ARHGAP20: variants seen among roughly 807,000 people sequenced by gnomAD.
ARHGAP20 encodes the protein Rho GTPase activating protein 20, also known as rho GTPase-activating protein 20.
Under a neutral mutation model 73.7 loss-of-function variants are expected in ARHGAP20, and 34 were observed. The ratio of observed to expected loss-of-function variants is 0.46; its 90% CI spans 0.35 to 0.61. The LOEUF is 0.61. Among genes scored for constraint, ARHGAP20 ranks in the 20% least tolerant of loss-of-function variants. The probability of loss-of-function intolerance (pLI) is 0.00; values close to 1 mark genes in which losing one functional copy is unlikely to be tolerated. For missense variants in ARHGAP20, 1,314 were observed against 1,420.9 expected, an observed-to-expected ratio of 0.92 and a Z score of 1.21; for synonymous variants, 523 against 518.2, an observed-to-expected ratio of 1.01 and a Z score of -0.13.
intron 2 of ARHGAP20, among the ~76,000 whole-genome samples, chr11:110,677,963 A>T (rs1175048149): frequency 6.6e-6 from 1 of 152,214 alleles, no homozygotes; most frequent in East Asian, 1.9e-4. Flanking sequence ...CAAAATGTGG[A>T]AACAACCTAA....
rs1950677884 is a variant in ARHGAP20 at position 110,712,128 on chromosome 11, T to C, written c.104A>G (p.Lys35Arg). 2 of 1,350,382 alleles carry C rather than the reference T, an allele frequency of 1.5e-6. No homozygotes were observed. Among genetic ancestry groups the C allele is most frequent in the Non-Finnish European group, 9.6e-7 (1 of 1,046,930 alleles). The allele number at this position is 1,350,382 out of a possible 1,614,324, so 83.6% of individuals were successfully genotyped here. A position where few individuals can be genotyped will look rare whatever the true frequency, so the allele number is the denominator to read the frequency against. Residue 35 changes from lysine to arginine, a missense_variant and splice_region_variant, in exon 1 of 15, where the codon AAG becomes AGG. Physicochemically the swap from Lys to Arg is conservative, Grantham distance 26 (BLOSUM62 2). Coordinates refer to ENST00000683387, the MANE Select transcript of ARHGAP20 (RefSeq NM_001384657.1). Reference protein sequence around the residue: ...SRLAGGSCTKKKMKTLAERRR... With the variant: ...SRLAGGSCTKRKMKTLAERRR... ...CGGGCCCCCGCTCAGCGTCCTCACCTTCTTGGTGCAGCTGCCTCCCGCGAG... is the reference window on the plus strand; with the variant it reads ...CGGGCCCCCGCTCAGCGTCCTCACCCTCTTGGTGCAGCTGCCTCCCGCGAG...
At position 110,658,910 on chromosome 11, in the gene ARHGAP20, T is replaced by G. The variant is rs913634804; in HGVS notation, c.189-28118A>C. On this transcript the variant is annotated intron_variant, in intron 2 of 14. Coordinates refer to ENST00000683387, the MANE Select transcript of ARHGAP20 (RefSeq NM_001384657.1). Reference sequence around the variant, plus strand: ...GTTAACTATATCGCCTGAAACTCATTCCCTGGGCTATCCCCTCCTCACTCT... The same window carrying G: ...GTTAACTATATCGCCTGAAACTCATGCCCTGGGCTATCCCCTCCTCACTCT... Among the ~76,000 whole-genome samples, 11 of 152,344 alleles carry G rather than the reference T, an allele frequency of 7.2e-5. No individual in the cohort carries two copies. The East Asian group carries it at 2.1e-3, about 29-fold the overall frequency.
chr11:110,682,982 T>C (rs1950064754), intron 2 of ARHGAP20, among the ~76,000 whole-genome samples: 1 of 143,374 alleles, frequency 7.0e-6, no homozygotes, highest in South Asian at 2.3e-4. Flanking sequence ...TGTCTGTCCC[T>C]CCTCTCAGCA....
chr11:110,577,273 G>C lies in ARHGAP20; in HGVS notation c.*2097C>G. The C allele has an allele frequency of 7.2e-7, 1 of 1,395,204 alleles. No homozygotes were observed. Among genetic ancestry groups the C allele is most frequent in the East Asian group, 2.6e-5 (1 of 37,902 alleles). The allele number at this position is 1,395,204 out of a possible 1,614,324, so 86.4% of individuals were successfully genotyped here. A position where few individuals can be genotyped will look rare whatever the true frequency, so the allele number is the denominator to read the frequency against. On this transcript the variant is annotated 3_prime_UTR_variant, in exon 15 of 15. Transcript: ENST00000683387. ...CAGTCTAATATATTATAGATTGATG[G>C]AGTATAATAAAATGACATATAGTCT...
At chr11:110,606,427 A>C in intron 9 of ARHGAP20, 134 bp downstream of exon 9, 1 of 979,086 alleles carries the variant, frequency 1.0e-6, no homozygotes, top group Non-Finnish European at 1.5e-6. Flanking sequence ...ATCTTCTTCT[A>C]AAAGTCCATC....
rs1038476870 is a variant in ARHGAP20 at position 110,701,282 on chromosome 11, C to G, written c.106-10653G>C. On this transcript the variant is annotated intron_variant, in intron 1 of 14. Transcript: ENST00000683387. ...GACTTTTTAATGATTGCCATTCTAA[C>G]TGGTGTGAGATGGTATCTCATTGTG... 5.3e-3 allele frequency among the ~76,000 whole-genome samples: 795 copies of G among 150,192 alleles called. 6 individuals are homozygous for G. The highest frequency in any genetic ancestry group is 0.018 in the African/African-American group (752 of 40,738).
chr11:110,589,431 C>T (rs879529668), intron 11 of ARHGAP20: 1 of 985,452 alleles, frequency 1.0e-6, no homozygotes, highest in Non-Finnish European at 1.2e-6. Context: ...CCTGGGCACT[C>T]AGCTGGAGTA....
intron 2 of ARHGAP20, among the ~76,000 whole-genome samples, chr11:110,668,376 G>A (rs919096346): frequency 6.6e-6 from 1 of 152,198 alleles, no homozygotes; most frequent in African/African-American, 2.4e-5. Context: ...TGGACTGGGT[G>A]TGGTGGCTCA....
intron 1 of ARHGAP20, among the ~76,000 whole-genome samples, chr11:110,702,870 C>T (rs1469842829): frequency 6.6e-6 from 1 of 152,046 alleles, no homozygotes; most frequent in Non-Finnish European, 1.5e-5. Context: ...AACCACTGCT[C>T]AACGAAATAA....
At chr11:110,641,484 G>A (rs1434996609) in intron 2 of ARHGAP20, among the ~76,000 whole-genome samples, 2 of 151,924 alleles carry the variant, frequency 1.3e-5, no homozygotes, top group Non-Finnish European at 2.9e-5. Flanking sequence ...GACTTTAAAA[G>A]GAAACAATAT....
intron 2 of ARHGAP20, among the ~76,000 whole-genome samples, chr11:110,686,691 AG>A (rs1366797667): frequency 7.2e-5 from 11 of 152,154 alleles, no homozygotes; most frequent in African/African-American, 2.7e-4. Context: ...TAAAGATGAT[AG>A]CTCTCATGTT....
intron 1 of ARHGAP20, 68 bp from the exon 2 acceptor site, chr11:110,690,697 T>TA (rs1950226415): frequency 1.4e-5 from 20 of 1,470,668 alleles, no homozygotes; most frequent in Non-Finnish European, 1.9e-5. Flanking sequence ...GATTTTTTTT[T>TA]AAATCCAATT....
chr11:110,612,325 G>A (rs1486363754), intron 6 of ARHGAP20, among the ~76,000 whole-genome samples: 1 of 151,650 alleles, frequency 6.6e-6, no homozygotes, highest in African/African-American at 2.4e-5. Flanking sequence ...CTACTCGGGA[G>A]GCTGAGGCAG....
rs766886227 is a variant in ARHGAP20 at position 110,583,673 on chromosome 11, T to G, written c.1480A>C (p.Asn494His). The G allele has an allele frequency of 1.9e-6, 3 of 1,611,086 alleles. No individual in the cohort carries two copies. In the South Asian group the frequency reaches 3.3e-5, roughly 18 times the overall value. ...LLRYLFGVLH[N>H]IEQHSSSNQM... ...TTGGATGAGGAATGTTGCTCAATGTTGTGTAACACCCCAAAAAGATACCTT... is the reference window on the plus strand; with the variant it reads ...TTGGATGAGGAATGTTGCTCAATGTGGTGTAACACCCCAAAAAGATACCTT... Residue 494 changes from asparagine (N) to histidine (H), a missense_variant, in exon 13 of 15, where the codon AAC (asparagine) becomes CAC (histidine). Around this residue, in one of 3 missense-constraint regions of ARHGAP20, gnomAD observed 230 missense variants for 317.6 expected, o/e 0.72. Coordinates refer to ENST00000683387, the MANE Select transcript of ARHGAP20 (RefSeq NM_001384657.1).
Position 110,712,297 on chromosome 11 carries a change from G to C in ARHGAP20, c.-66C>G, listed in dbSNP as rs1950683394. ...ACACGATCATGTCCGCGGGCTGCCG[G>C]CCGGAGGGGCGAGGACGCGCGGGCG... is the stretch of plus-strand genomic sequence containing the variant. On this transcript the variant is annotated 5_prime_UTR_variant, in exon 1 of 15. Transcript: ENST00000683387. The C allele has an allele frequency of 1.6e-6, 2 of 1,226,920 alleles. No homozygotes were observed. The highest frequency in any genetic ancestry group is 1.6e-5 in the African/African-American group (1 of 63,424). 76.0% of individuals were successfully genotyped at this position (1,226,920 alleles called of 1,614,324 possible). A position where few individuals can be genotyped will look rare whatever the true frequency, so the allele number is the denominator to read the frequency against.
In ARHGAP20 at chr11:110,578,513, TC is replaced by T. The variant is rs1392292509; in HGVS notation, c.*856del. 21 of 979,048 alleles carry T rather than the reference TC, an allele frequency of 2.1e-5. No individual in the cohort carries two copies. In the African/African-American group the frequency reaches 2.4e-4, roughly 11 times the overall value. The allele number at this position is 979,048 out of a possible 1,614,324, so 60.6% of individuals were successfully genotyped here. A position where few individuals can be genotyped will look rare whatever the true frequency, so the allele number is the denominator to read the frequency against. On this transcript the variant is annotated 3_prime_UTR_variant, in exon 15 of 15. Transcript: ENST00000683387. Reference sequence around the variant, plus strand: ...AGAAAGGACAGTTGTTGTGGTCTTTTCCTCCATATTGAGAGTGAACGCTGTC... The same window carrying T: ...AGAAAGGACAGTTGTTGTGGTCTTTTCTCCATATTGAGAGTGAACGCTGTC...
intron 10 of ARHGAP20, among the ~76,000 whole-genome samples, chr11:110,591,454 A>G (rs1371891809): frequency 6.6e-6 from 1 of 152,236 alleles, no homozygotes; most frequent in Non-Finnish European, 1.5e-5. Context: ...GAAGGATACT[A>G]GAGACTCAAT....
intron 3 of ARHGAP20, among the ~76,000 whole-genome samples, chr11:110,625,597 C>T (rs191981104): frequency 1.2e-4 from 18 of 152,138 alleles, no homozygotes; most frequent in African/African-American, 4.1e-4. Context: ...AGGGTTGACA[C>T]AATTAACATT....
Position 110,579,869 on chromosome 11 carries a change from T to TTTC in ARHGAP20, c.3076_3077insGAA (p.Gln1026delinsArgLys). ...GGGATGAAGAGTTACAGAATGCATT[T>TTTC]GTGAATGCCACTCCATGGTGTCCTT... is the stretch of plus-strand genomic sequence containing the variant. On this transcript the variant is annotated protein_altering_variant, in exon 15 of 15. Transcript: ENST00000683387. The TTTC allele has an allele frequency of 6.2e-7, 1 of 1,614,250 alleles. No individual in the cohort carries two copies. Among genetic ancestry groups the TTTC allele is most frequent in the Non-Finnish European group, 8.5e-7 (1 of 1,180,040 alleles).
Sources: gnomAD v4.1 joint callset for allele counts (sites outside exome capture counted in the v4.1 genomes callset) on GRCh38, gnomAD v4.1.1 for gene constraint, gnomAD v4.1.1 regional missense constraint, MANE v1.5 for transcripts, NCBI Gene and HGNC (gene_info 2026-07-23, HGNC 2026-07-21) for gene names.